The following ZNF652 variants were observed in gnomAD, a reference collection of about 807,000 sequenced individuals.
The protein encoded by ZNF652 is zinc finger protein 652.
In ZNF652, 16 loss-of-function variants were observed where a neutral mutation model predicts 45.2. That is an observed-to-expected ratio of 0.35 (90% confidence interval 0.24 to 0.54). The LOEUF (loss-of-function observed/expected upper bound fraction) is 0.54. ZNF652 is among the 20% of genes least tolerant of loss of function. The pLI is 0.91. For synonymous variants in ZNF652, 250 were observed against 260.6 expected, an observed-to-expected ratio of 0.96 and a Z score of 0.39; for missense variants, 614 against 765.6, an observed-to-expected ratio of 0.80 and a Z score of 2.34.
chr17:49,340,776 T>C lies in ZNF652; in HGVS notation c.-259+21133A>G, dbSNP rs778534518. ...AATACAAAAAGTTAGCCAGGTAGCA[T>C]GGTGTACCTGTAGTCTCAGCTACTT... On this transcript the variant is annotated intron_variant, in intron 1 of 5. Coordinates refer to ENST00000430262, the MANE Select transcript of ZNF652 (RefSeq NM_001145365.3). Among the ~76,000 whole-genome samples, 11 of 151,866 alleles carry C rather than the reference T, an allele frequency of 7.2e-5. No individual in the cohort carries two copies. In the South Asian group the frequency reaches 2.1e-3, roughly 29 times the overall value.
intron 1 of ZNF652, among the ~76,000 whole-genome samples, chr17:49,337,385 C>T (rs1372895201): frequency 6.6e-6 from 1 of 150,626 alleles, no homozygotes; most frequent in Non-Finnish European, 1.5e-5. Context: ...CAAAAATGCC[C>T]AACAACTCTG....
At chr17:49,329,727 C>T (rs1243523752) in intron 1 of ZNF652, among the ~76,000 whole-genome samples, 5 of 152,326 alleles carry the variant, frequency 3.3e-5, no homozygotes, top group South Asian at 2.1e-4. Context: ...TTTTTACACA[C>T]GCATTTAAAT....
chr17:49,323,472 T>C (rs1372101496), intron 1 of ZNF652, among the ~76,000 whole-genome samples: 1 of 152,264 alleles, frequency 6.6e-6, no homozygotes, highest in Non-Finnish European at 1.5e-5. Flanking sequence ...CCTGTTTATG[T>C]TGATATTTTG....
intron 1 of ZNF652, among the ~76,000 whole-genome samples, chr17:49,331,846 G>T (rs940701534): frequency 2.0e-5 from 3 of 152,184 alleles, no homozygotes; most frequent in Non-Finnish European, 4.4e-5. Flanking sequence ...GTGCATGCCT[G>T]TAGTCCCAGC....
intron 1 of ZNF652, among the ~76,000 whole-genome samples, chr17:49,361,483 T>G (rs1281847301): frequency 6.6e-6 from 1 of 152,086 alleles, no homozygotes; most frequent in African/African-American, 2.4e-5. Flanking sequence ...GTTGGAGGTT[T>G]GGGTGCAACC....
rs1049804460 is a variant in ZNF652, at chr17:49,289,591, C to A, written c.*8822G>T. ...GAGATTCAGGAGCGGAGCTCAGTTC[C>A]ACCTCACTGCAGTTCCCTGGGGCCA... On this transcript the variant is annotated 3_prime_UTR_variant, in exon 6 of 6. Transcript: ENST00000430262. 1 of 152,240 alleles carries A rather than the reference C, an allele frequency of 6.6e-6. No individual in the cohort carries two copies. Among genetic ancestry groups the A allele is most frequent in the Non-Finnish European group, 1.5e-5 (1 of 68,062 alleles). 9.4% of individuals were successfully genotyped at this position (152,240 alleles called of 1,614,324 possible).
At chr17:49,328,500 C>T (rs568687192) in intron 1 of ZNF652, among the ~76,000 whole-genome samples, 190 of 152,170 alleles carry the variant, frequency 1.2e-3, no homozygotes, top group Non-Finnish European at 2.1e-3. Context: ...GTGTTTGGGT[C>T]ATGGGGGCAG....
chr17:49,355,400 C>T (rs1330820654), intron 1 of ZNF652, among the ~76,000 whole-genome samples: 3 of 149,302 alleles, frequency 2.0e-5, no homozygotes, highest in African/African-American at 7.4e-5. Flanking sequence ...TCAGCCTAGG[C>T]AACATAGTGA....
Position 49,312,159 on chromosome 17 carries a change from CTTTTTTTTTT to C in ZNF652, c.1049-127_1049-118del, listed in dbSNP as rs34553823. The C allele has an allele frequency of 1.0e-4, 14 of 139,094 alleles. No homozygotes were observed. The East Asian group carries it at 2.2e-3, about 22-fold the overall frequency. 8.6% of individuals were successfully genotyped at this position (139,094 alleles called of 1,614,324 possible). On this transcript the variant is annotated intron_variant, in intron 3 of 5. Transcript: ENST00000430262. ...TAATTTTCTACACTGATTTGTGAGG[CTTTTTTTTTT>C]TTTTTTTTTTTTTTGAGATGGAGTC...
chr17:49,302,232 C>T (rs1325538158), intron 5 of ZNF652, among the ~76,000 whole-genome samples: 23 of 151,064 alleles, frequency 1.5e-4, no homozygotes. Context: ...CAAGCCTGAA[C>T]CACAGAGAGA....
intron 1 of ZNF652, among the ~76,000 whole-genome samples, chr17:49,355,353 G>C (rs935053699): frequency 5.3e-5 from 8 of 151,824 alleles, no homozygotes; most frequent in Non-Finnish European, 8.8e-5. Flanking sequence ...GGGAGGCCGA[G>C]AGGAGAGAAT....
chr17:49,307,791 T>C (rs2069653483), intron 5 of ZNF652, among the ~76,000 whole-genome samples: 1 of 152,078 alleles, frequency 6.6e-6, no homozygotes, highest in South Asian at 2.1e-4. Context: ...CTTCACTTTA[T>C]AGGATTGTTG....
At position 49,292,143 on chromosome 17, in the gene ZNF652, G is replaced by A. The variant is rs2069412180; in HGVS notation, c.*6270C>T. On this transcript the variant is annotated 3_prime_UTR_variant, in exon 6 of 6. Coordinates refer to ENST00000430262, the MANE Select transcript of ZNF652 (RefSeq NM_001145365.3). Reference sequence around the variant, plus strand: ...TCAGAAAGGAAAAATGCTGACTAAGGCCCAAATGCTCAACTCCAAGCTTTC... The same window carrying A: ...TCAGAAAGGAAAAATGCTGACTAAGACCCAAATGCTCAACTCCAAGCTTTC... Among the ~76,000 whole-genome samples the A allele has an allele frequency of 6.6e-6, 1 of 152,092 alleles. No individual in the cohort carries two copies. Among genetic ancestry groups the A allele is most frequent in the Non-Finnish European group, 1.5e-5 (1 of 68,030 alleles).
chr17:49,357,626 C>A (rs1280151966), intron 1 of ZNF652, among the ~76,000 whole-genome samples: 1 of 152,248 alleles, frequency 6.6e-6, no homozygotes, highest in Non-Finnish European at 1.5e-5. Flanking sequence ...GATATTGCCA[C>A]TGATTCTACA....
At chr17:49,316,030 GACA>G (rs2069799326) in intron 2 of ZNF652, among the ~76,000 whole-genome samples, 1 of 152,160 alleles carries the variant, frequency 6.6e-6, no homozygotes, top group Non-Finnish European at 1.5e-5. Flanking sequence ...ATCTTATGGA[GACA>G]TGAATAGACT....
chr17:49,328,309 T>C (rs140360774), intron 1 of ZNF652, among the ~76,000 whole-genome samples: 1 of 152,108 alleles, frequency 6.6e-6, no homozygotes, highest in African/African-American at 2.4e-5. Context: ...AAGGTAAGAA[T>C]GTTGCACACA....
At chr17:49,342,761 C>T (rs1456185438) in intron 1 of ZNF652, among the ~76,000 whole-genome samples, 1 of 152,048 alleles carries the variant, frequency 6.6e-6, no homozygotes, top group Non-Finnish European at 1.5e-5. Flanking sequence ...AGGAGAAAAC[C>T]CCCCTCAGTA....
rs374538647 is a variant in ZNF652 at position 49,346,045 on chromosome 17, G to A, written c.-259+15864C>T. ...GAGCACCTGCCATGTGCCAAGTGCCGCAGCCACAACTACAAGTGTAGTACA... is the reference window on the plus strand; with the variant it reads ...GAGCACCTGCCATGTGCCAAGTGCCACAGCCACAACTACAAGTGTAGTACA... On this transcript the variant is annotated intron_variant, in intron 1 of 5. Coordinates refer to ENST00000430262, the MANE Select transcript of ZNF652 (RefSeq NM_001145365.3). Among the ~76,000 whole-genome samples the A allele has an allele frequency of 4.9e-4, 75 of 152,216 alleles. No individual in the cohort carries two copies. In the East Asian group the frequency reaches 8.3e-3, roughly 17 times the overall value.
intron 1 of ZNF652, among the ~76,000 whole-genome samples, chr17:49,357,586 TAAAC>T (rs1211402926): frequency 6.6e-6 from 1 of 152,188 alleles, no homozygotes; most frequent in Non-Finnish European, 1.5e-5. Flanking sequence ...AACTACTATA[TAAAC>T]AAACAGATAA....
Sources: allele counts gnomAD v4.1 joint callset (sites outside exome capture counted in the v4.1 genomes callset), GRCh38; gene constraint gnomAD v4.1.1; transcripts MANE v1.5; gene names NCBI Gene and HGNC (gene_info 2026-07-23, HGNC 2026-07-21).